The following FOLH1 variants were observed in gnomAD, a reference collection of about 807,000 sequenced individuals.
FOLH1 encodes the protein folate hydrolase 1, also known as glutamate carboxypeptidase 2.
In FOLH1, 54 loss-of-function variants were observed where a neutral mutation model predicts 93.9. That is an observed-to-expected ratio of 0.57 (90% CI 0.46 to 0.72). The LOEUF (loss-of-function observed/expected upper bound fraction) is 0.72. Ranked by LOEUF, FOLH1 falls within the 30% of genes least tolerant of loss-of-function variation. The pLI is 0.00. For synonymous variants in FOLH1, 249 were observed against 303.6 expected (o/e 0.82, Z 1.87); for missense variants, 571 against 892.5 (o/e 0.64, Z 4.59).
chr11:49,147,194 C>A (rs1435067200), intron 18 of FOLH1, among the ~76,000 whole-genome samples: 1 of 152,068 alleles, frequency 6.6e-6, no homozygotes, highest in East Asian at 1.9e-4. Context: ...ATGATAGTAA[C>A]CACAGCAATC....
At position 49,185,827 on chromosome 11, in the gene FOLH1, T is replaced by C. The variant is rs540795252; in HGVS notation, c.668A>G (p.Lys223Arg). Residue 223 changes from lysine (K) to arginine (R), a missense_variant, in exon 6 of 19, where the codon AAA (lysine) becomes AGA (arginine). By Grantham distance (26) the Lys-to-Arg change is conservative. Around this residue, in one of 2 missense-constraint regions of FOLH1, gnomAD observed 500 missense variants for 822.9 expected, o/e 0.61. Transcript: ENST00000256999. ...AGGGTCGGAGTAGAGAATGACTCCTTTGGCCCCTGCCAGCTGGGCATTTTT... is the reference window on the plus strand; with the variant it reads ...AGGGTCGGAGTAGAGAATGACTCCTCTGGCCCCTGCCAGCTGGGCATTTTT... ...KVKNAQLAGA[K>R]GVILYSDPAD... 5 of 1,566,608 alleles carry C rather than the reference T, an allele frequency of 3.2e-6. No individual in the cohort carries two copies. The African/African-American group carries it at 5.5e-5, about 17-fold the overall frequency.
At chr11:49,170,981 T>C (rs1000202032) in intron 11 of FOLH1, among the ~76,000 whole-genome samples, 5 of 152,324 alleles carry the variant, frequency 3.3e-5, no homozygotes, top group African/African-American at 1.2e-4. Context: ...CAATTGACAT[T>C]AAGTGGCTCT....
chr11:49,153,830 T>C lies in FOLH1; in HGVS notation c.1970+16A>G, dbSNP rs1424571897. 12 of 1,565,848 alleles carry C rather than the reference T, an allele frequency of 7.7e-6. No homozygotes were observed. The African/African-American group carries it at 8.2e-5, about 11-fold the overall frequency. On this transcript the variant is annotated intron_variant, in intron 17 of 18. Transcript: ENST00000256999. ...ACACACACATACACACATATGCACA[T>C]ATATGTAGAACATACTTGCTTTTGT...
rs192994485 is a variant in FOLH1, at chr11:49,199,662, C to T, written c.411+593G>A. Among the ~76,000 whole-genome samples, 543 of 152,204 alleles carry T rather than the reference C, an allele frequency of 3.6e-3. 8 individuals carry two copies. The highest frequency in any genetic ancestry group is 3.9e-3 in the Admixed American group (59 of 15,282). The stretch of plus-strand genomic sequence containing the variant: ...GCAGTGCCTCACACGTGTAATTCTA[C>T]AACTTTGGGAGGCTGAGGCGGGTGG... On this transcript the variant is annotated intron_variant, in intron 3 of 18. Transcript: ENST00000256999.
chr11:49,170,954 A>C (rs1859187958), intron 11 of FOLH1, among the ~76,000 whole-genome samples: 1 of 152,208 alleles, frequency 6.6e-6, no homozygotes, highest in Non-Finnish European at 1.5e-5. Context: ...CAGGAAATAA[A>C]GATAAATTAA....
At chr11:49,177,751 C>A (rs1860238342) in intron 7 of FOLH1, among the ~76,000 whole-genome samples, 1 of 134,552 alleles carries the variant, frequency 7.4e-6, no homozygotes, top group Non-Finnish European at 1.5e-5. Flanking sequence ...AGTTTGAGAT[C>A]AGCCCGACCA....
chr11:49,152,632 T>C (rs1374068637), intron 17 of FOLH1, among the ~76,000 whole-genome samples: 1 of 152,186 alleles, frequency 6.6e-6, no homozygotes, highest in African/African-American at 2.4e-5. Context: ...TTCAGCTGGT[T>C]CTTTTGGACT....
chr11:49,160,583 C>CA (rs1291561565), intron 13 of FOLH1, among the ~76,000 whole-genome samples: 11 of 152,088 alleles, frequency 7.2e-5, no homozygotes, highest in Non-Finnish European at 1.3e-4. Flanking sequence ...GCTGGGACTA[C>CA]AGGCACCCGC....
At chr11:49,174,709 A>G (rs780169202) in intron 9 of FOLH1, among the ~76,000 whole-genome samples, 183 bp downstream of exon 9, 4 of 151,938 alleles carry the variant, frequency 2.6e-5, no homozygotes, top group Non-Finnish European at 5.9e-5. Context: ...TTTATTCACC[A>G]CCTGTACCAC....
intron 4 of FOLH1, among the ~76,000 whole-genome samples, chr11:49,189,722 G>A (rs1353358619): frequency 1.3e-5 from 2 of 152,122 alleles, no homozygotes; most frequent in Admixed American, 6.5e-5. Context: ...TCTTAAGTTG[G>A]GGGTTTCCTG....
rs1198321671 is a variant in FOLH1, at chr11:49,154,412, T to C, written c.1704A>G (p.Pro568=). The change falls in exon 16 of 19, where the codon CCA becomes CCG. Residue 568 remains proline, a synonymous_variant. Transcript: ENST00000256999. Reference sequence around the variant, plus strand: ...CCACAGTGAGGTGATATTTAAACATTGGATCATAAAACTTTTCCACCAACT... The same window carrying C: ...CCACAGTGAGGTGATATTTAAACATCGGATCATAAAACTTTTCCACCAACT... The part of the protein sequence containing the change: ...TYELVEKFYD[P]MFKYHLTVAQ... 1 of 1,612,378 alleles carries C rather than the reference T, an allele frequency of 6.2e-7. No homozygotes were observed. The highest frequency in any genetic ancestry group is 8.5e-7 in the Non-Finnish European group (1 of 1,178,836).
chr11:49,194,252 A>G (rs1457637613), intron 3 of FOLH1, among the ~76,000 whole-genome samples: 1 of 152,144 alleles, frequency 6.6e-6, no homozygotes, highest in East Asian at 1.9e-4. Context: ...AGGGTTCCAG[A>G]TAATTCATAA....
At chr11:49,207,391 C>T (rs1864097416) in intron 1 of FOLH1, among the ~76,000 whole-genome samples, 1 of 152,142 alleles carries the variant, frequency 6.6e-6, no homozygotes, top group Non-Finnish European at 1.5e-5. Flanking sequence ...TTTAACAACC[C>T]CAAGGTGAAG....
Position 49,171,075 on chromosome 11 carries a change from T to G in FOLH1, c.1308+120A>C, listed in dbSNP as rs560875374. 1.4e-4 allele frequency: 167 copies of G among 1,176,878 alleles called. No homozygotes were observed. The African/African-American group carries it at 2.4e-3, about 17-fold the overall frequency. The allele number at this position is 1,176,878 out of a possible 1,614,324, so 72.9% of individuals were successfully genotyped here. A position where few individuals can be genotyped will look rare whatever the true frequency, so the allele number is the denominator to read the frequency against. ...AACAAGAATATGTTACTTCAGATTT[T>G]GGGGAAAAAACTTTGAATACTTTCT... On this transcript the variant is annotated intron_variant, in intron 11 of 18. Coordinates refer to ENST00000256999, the MANE Select transcript of FOLH1 (RefSeq NM_004476.3).
intron 7 of FOLH1, among the ~76,000 whole-genome samples, chr11:49,176,480 G>A (rs535722595): frequency 1.3e-5 from 2 of 152,158 alleles, no homozygotes; most frequent in Non-Finnish European, 2.9e-5. Context: ...GATTCAGGCA[G>A]ACCACCCAGT....
At chr11:49,202,679 G>A (rs1684260) in intron 2 of FOLH1, among the ~76,000 whole-genome samples, 71,675 of 151,880 alleles carry the variant, frequency 0.47, 18,084 homozygotes, top group African/African-American at 0.67. Context: ...AGCTACTGTT[G>A]TTTCTGTTTC....
At chr11:49,207,803 T>C (rs1175363715) in intron 1 of FOLH1, 6 of 437,476 alleles carry the variant, frequency 1.4e-5, no homozygotes, top group Non-Finnish European at 2.3e-5. Flanking sequence ...GGATCAAGTC[T>C]GCAAATCAGT....
In FOLH1 at chr11:49,182,633, A is replaced by C. The variant is rs148055146; in HGVS notation, c.920+516T>G. ...AGGAGAGAGCTAGGAAACCCTGAGA[A>C]AGTCCTTAGACTGCAAGGTAGGTCT... On this transcript the variant is annotated intron_variant, in intron 7 of 18. Coordinates refer to ENST00000256999, the MANE Select transcript of FOLH1 (RefSeq NM_004476.3). Among the ~76,000 whole-genome samples the C allele has an allele frequency of 5.8e-3, 890 of 152,338 alleles. 10 individuals carry two copies. Among genetic ancestry groups the C allele is most frequent in the African/African-American group, 0.02 (852 of 41,576 alleles).
intron 2 of FOLH1, among the ~76,000 whole-genome samples, chr11:49,202,074 G>A (rs934609665): frequency 1.3e-5 from 2 of 152,110 alleles, no homozygotes; most frequent in African/African-American, 4.8e-5. Context: ...TCATGTACGT[G>A]GTATAATACA....
Sources: gnomAD v4.1 joint callset for allele counts (sites outside exome capture counted in the v4.1 genomes callset) on GRCh38, gnomAD v4.1.1 for gene constraint, gnomAD v4.1.1 regional missense constraint, MANE v1.5 for transcripts, NCBI Gene and HGNC (gene_info 2026-07-23, HGNC 2026-07-21) for gene names.